Variants in ENPEP observed in about 807,000 individuals in gnomAD.
The protein encoded by ENPEP is glutamyl aminopeptidase, also known as AP-A.
ENPEP carries 103 observed loss-of-function variants against 114.5 expected under a neutral mutation model. The observed-to-expected ratio is 0.90, with a 90% CI of 0.77 to 1.06. The LOEUF (loss-of-function observed/expected upper bound fraction) is 1.06, where lower values mean the gene tolerates loss of function less well. ENPEP is among the 50% of genes least tolerant of loss of function. The pLI, the probability that ENPEP is intolerant of heterozygous loss-of-function variation, is 0.00. For synonymous variants in ENPEP, 420 were observed against 422.0 expected, an observed-to-expected ratio of 1.00 and a Z score of 0.06; for missense variants, 1,196 against 1,161.3, an observed-to-expected ratio of 1.03 and a Z score of -0.43.
At chr4:110,544,082 T>A (rs1726955952) in intron 13 of ENPEP, among the ~76,000 whole-genome samples, 1 of 151,982 alleles carries the variant, frequency 6.6e-6, no homozygotes, top group African/African-American at 2.4e-5. Context: ...TCCTAGATAG[T>A]ATATTAAAAG....
chr4:110,497,142 G>A (rs1300667200), intron 3 of ENPEP, among the ~76,000 whole-genome samples: 2 of 152,164 alleles, frequency 1.3e-5, no homozygotes, highest in Non-Finnish European at 2.9e-5. Context: ...CCCAGTGGAT[G>A]TCCACAACAA....
intron 10 of ENPEP, among the ~76,000 whole-genome samples, chr4:110,525,068 G>A (rs1215961086): frequency 6.6e-6 from 1 of 152,168 alleles, no homozygotes; most frequent in Non-Finnish European, 1.5e-5. Flanking sequence ...TTTAAAAAAT[G>A]TTTTATATAT....
chr4:110,497,590 A>G (rs974944497), intron 3 of ENPEP, among the ~76,000 whole-genome samples: 14 of 152,222 alleles, frequency 9.2e-5, no homozygotes, highest in African/African-American at 3.4e-4. Context: ...GTAAGTGGCC[A>G]ATAAATGCTT....
In ENPEP at chr4:110,531,201, T is replaced by C. The variant is rs1560565021; in HGVS notation, c.1731T>C (p.Tyr577=). Residue 577 remains tyrosine (Y), a synonymous_variant, in exon 11 of 20, where the codon TAT becomes TAC. Coordinates refer to ENST00000265162, the MANE Select transcript of ENPEP (RefSeq NM_001977.4). The part of the protein sequence containing the change: ...NPSQPPSDLG[Y]TWNIPVKWTE... The stretch of plus-strand genomic sequence containing the variant: ...TTTCTTTTTAAAAAAATTTTAGTTA[T>C]ACATGGAATATCCCAGTTAAATGGA... The C allele has an allele frequency of 1.4e-6, 2 of 1,460,278 alleles. No homozygotes were observed. Among genetic ancestry groups the C allele is most frequent in the East Asian group, 2.4e-5 (1 of 41,692 alleles). 90.5% of individuals were successfully genotyped at this position (1,460,278 alleles called of 1,614,324 possible).
chr4:110,490,991 T>A, intron 2 of ENPEP, 42 bp from the exon 3 acceptor site: 1 of 1,586,220 alleles, frequency 6.3e-7, no homozygotes, highest in Non-Finnish European at 8.6e-7. Context: ...TATATATGAT[T>A]GATATTTTGA....
At chr4:110,488,413 G>A in intron 1 of ENPEP, 128 bp from the exon 2 acceptor site, 1 of 1,237,590 alleles carries the variant, frequency 8.1e-7, no homozygotes, top group Non-Finnish European at 1.0e-6. Context: ...CTTCTAGATG[G>A]AACCTCATTT....
At chr4:110,477,354 T>C (rs1724151636) in intron 1 of ENPEP, among the ~76,000 whole-genome samples, 1 of 152,214 alleles carries the variant, frequency 6.6e-6, no homozygotes. Context: ...AAGATTTCCA[T>C]AAATTATCTC....
In ENPEP at chr4:110,520,570, G is replaced by A. The variant is rs144078728; in HGVS notation, c.1727+204G>A. 7.8e-4 allele frequency among the ~76,000 whole-genome samples: 118 copies of A among 152,250 alleles called. 1 individual carries two copies. In the East Asian group the frequency reaches 0.022, roughly 28 times the overall value. ...GGCAGAGCACATCCATCCGCATCCT[G>A]TTCTTTACAGATATTGAAGAGAGGA... is the stretch of plus-strand genomic sequence containing the variant. On this transcript the variant is annotated intron_variant, in intron 10 of 19. Coordinates refer to ENST00000265162, the MANE Select transcript of ENPEP (RefSeq NM_001977.4).
intron 11 of ENPEP, among the ~76,000 whole-genome samples, chr4:110,537,381 G>A (rs894555165): frequency 7.2e-5 from 11 of 152,070 alleles, no homozygotes; most frequent in African/African-American, 2.7e-4. Flanking sequence ...TCTTCACCAG[G>A]AGTAGATTCC....
chr4:110,549,703 TTTC>T lies in ENPEP; in HGVS notation c.2331-5_2331-3del, dbSNP rs1464871200. The T allele has an allele frequency of 1.2e-6, 2 of 1,612,782 alleles. No homozygotes were observed. On this transcript the variant is annotated splice_polypyrimidine_tract_variant and intron_variant, in intron 16 of 19. Transcript: ENST00000265162. ...AGTAGTTGAAATCTCTGAAACACTG[TTTC>T]TTCTTCTAGCCTTCCCGTAAATCTC...
rs576912541 is a variant in ENPEP at position 110,504,341 on chromosome 4, A to G, written c.919-2296A>G. On this transcript the variant is annotated intron_variant, in intron 3 of 19. Coordinates refer to ENST00000265162, the MANE Select transcript of ENPEP (RefSeq NM_001977.4). ...GTGGCTGCAGCTTACTGGAGATATG[A>G]TTAAAGCACTCAGGGTCTTTGATCC... Among the ~76,000 whole-genome samples the G allele has an allele frequency of 5.3e-5, 8 of 152,226 alleles. No homozygotes were observed. In the South Asian group the frequency reaches 1.7e-3, roughly 32 times the overall value.
chr4:110,503,032 C>T lies in ENPEP; in HGVS notation c.919-3605C>T, dbSNP rs1375572300. On this transcript the variant is annotated intron_variant, in intron 3 of 19. Coordinates refer to ENST00000265162, the MANE Select transcript of ENPEP (RefSeq NM_001977.4). ...AACTCGTCATTTACATTAGGTATAT[C>T]TCCTAATGCTATCCCTCCCCGCTCC... is the stretch of plus-strand genomic sequence containing the variant. Among the ~76,000 whole-genome samples the T allele has an allele frequency of 4.6e-5, 7 of 152,188 alleles. No individual in the cohort carries two copies. In the East Asian group the frequency reaches 1.4e-3, roughly 29 times the overall value.
At chr4:110,522,985 C>T (rs962709821) in intron 10 of ENPEP, among the ~76,000 whole-genome samples, 10 of 152,076 alleles carry the variant, frequency 6.6e-5, no homozygotes, top group East Asian at 1.9e-4. Context: ...ATCCAGGAAA[C>T]GGTACATCCA....
intron 10 of ENPEP, among the ~76,000 whole-genome samples, chr4:110,522,485 G>T (rs1162164881): frequency 6.6e-6 from 1 of 152,036 alleles, no homozygotes; most frequent in Non-Finnish European, 1.5e-5. Context: ...TCAGCCAATA[G>T]GCGTTCTTTA....
intron 10 of ENPEP, among the ~76,000 whole-genome samples, chr4:110,520,599 G>A (rs2110363549): frequency 6.6e-6 from 1 of 152,220 alleles, no homozygotes; most frequent in East Asian, 1.9e-4. Context: ...GAGAGGAATG[G>A]AATTACCTAA....
Position 110,495,129 on chromosome 4 carries a change from A to G in ENPEP, c.918+3965A>G, listed in dbSNP as rs538557896. On this transcript the variant is annotated intron_variant, in intron 3 of 19. Transcript: ENST00000265162. ...CCCCAATAAGCATGTCATGAACATG[A>G]GAGTTCAGCACAAAGTTCCCCATTG... is the stretch of plus-strand genomic sequence containing the variant. Among the ~76,000 whole-genome samples the G allele has an allele frequency of 5.2e-3, 796 of 152,334 alleles. 12 individuals carry two copies. Among genetic ancestry groups the G allele is most frequent in the African/African-American group, 0.017 (727 of 41,572 alleles).
intron 1 of ENPEP, among the ~76,000 whole-genome samples, chr4:110,486,102 C>G (rs1413028700): frequency 6.6e-6 from 1 of 152,148 alleles, no homozygotes; most frequent in East Asian, 1.9e-4. Flanking sequence ...TAATTTTTTC[C>G]TTCAAATATT....
intron 4 of ENPEP, 76 bp from the exon 5 acceptor site, chr4:110,509,577 T>C (rs1245993907): frequency 3.3e-6 from 5 of 1,511,900 alleles, no homozygotes; most frequent in Admixed American, 2.3e-5. Context: ...TTCATCCAAA[T>C]AACTTAATTT....
At chr4:110,530,433 C>CA (rs1726367642) in intron 10 of ENPEP, among the ~76,000 whole-genome samples, 1 of 152,042 alleles carries the variant, frequency 6.6e-6, no homozygotes, top group African/African-American at 2.4e-5. Flanking sequence ...CTAAACCAGC[C>CA]AATGGTACGT....
Sources: allele counts gnomAD v4.1 joint callset (sites outside exome capture counted in the v4.1 genomes callset), GRCh38; gene constraint gnomAD v4.1.1; transcripts MANE v1.5; gene names NCBI Gene and HGNC (gene_info 2026-07-23, HGNC 2026-07-21).